RCBTB1: variants seen among roughly 807,000 people sequenced by gnomAD.
The protein encoded by RCBTB1 is RCC1 and BTB domain-containing protein 1.
In RCBTB1, 46 loss-of-function variants were observed where a neutral mutation model predicts 62.4. That is an observed-to-expected ratio of 0.74 (90% CI 0.58 to 0.94). The LOEUF (loss-of-function observed/expected upper bound fraction) is 0.94, where lower values mean the gene tolerates loss of function less well. Ranked by LOEUF, RCBTB1 falls within the 40% of genes least tolerant of loss-of-function variation. The probability of loss-of-function intolerance (pLI) is 0.00; values close to 1 mark genes in which losing one functional copy is unlikely to be tolerated. For synonymous variants in RCBTB1, 222 were observed against 245.8 expected (o/e 0.90, Z 0.91); for missense variants, 565 against 654.9 (o/e 0.86, Z 1.50).
Position 49,534,091 on chromosome 13 carries a change from G to A in RCBTB1, c.*31C>T, listed in dbSNP as rs1314878848. 8 of 1,606,472 alleles carry A rather than the reference G, an allele frequency of 5.0e-6. No individual in the cohort carries two copies. Among genetic ancestry groups the A allele is most frequent in the Middle Eastern group, 1.7e-4 (1 of 6,030 alleles). ...GACACATCCTCAACAGTGCCCCAGA[G>A]CACTCACACAGAACCCAGCAGCCTT... On this transcript the variant is annotated 3_prime_UTR_variant, in exon 13 of 13. Transcript: ENST00000378302.
chr13:49,555,761 C>A, intron 5 of RCBTB1, 88 bp from the exon 6 acceptor site: 1 of 979,778 alleles, frequency 1.0e-6, no homozygotes, highest in South Asian at 1.7e-5. Context: ...TAAAATTATC[C>A]TACTTAATGA....
In RCBTB1 at chr13:49,555,633, G is replaced by T; in HGVS notation, c.485C>A (p.Ser162Ter). The change falls in exon 6 of 13, where the codon TCA becomes TAA. Residue 162 changes from serine to a stop codon, truncating the protein, a stop_gained. Coordinates refer to ENST00000378302, the MANE Select transcript of RCBTB1 (RefSeq NM_018191.4). LOFTEE classifies it high-confidence loss of function. ...AGTTGGTTGATTTGCTGTAGAACCT[G>T]ATCCCACTTGGCCACAGTTGTTATA... ...WGYNNCGQVGSGSTANQPTPR... is the reference protein window; with the variant it reads ...WGYNNCGQVG 6.2e-7 allele frequency: 1 copy of T among 1,611,684 alleles called. No individual in the cohort carries two copies. Among genetic ancestry groups the T allele is most frequent in the Non-Finnish European group, 8.5e-7 (1 of 1,178,824 alleles).
At chr13:49,573,533 C>T (rs2137358635) in intron 2 of RCBTB1, among the ~76,000 whole-genome samples, 1 of 151,114 alleles carries the variant, frequency 6.6e-6, no homozygotes, top group East Asian at 1.9e-4. Context: ...ACTGCAATCT[C>T]CGCCTCCTGG....
intron 12 of RCBTB1, 42 bp downstream of exon 12, chr13:49,540,834 G>A (rs776747999): frequency 6.3e-6 from 10 of 1,593,766 alleles, no homozygotes; most frequent in Middle Eastern, 1.7e-4. Context: ...GAGCACAAAG[G>A]GAGTTAAAGG....
rs932082119 is a variant in RCBTB1, at chr13:49,533,853, T to C, written c.*269A>G. On this transcript the variant is annotated 3_prime_UTR_variant, in exon 13 of 13. Transcript: ENST00000378302. ...AAATGAAAAGAAGACCAAAAACGACTAACTTTCACCCTTTTACATGTTCCA... is the reference window on the plus strand; with the variant it reads ...AAATGAAAAGAAGACCAAAAACGACCAACTTTCACCCTTTTACATGTTCCA... 15 of 278,564 alleles carry C rather than the reference T, an allele frequency of 5.4e-5. No homozygotes were observed. Among genetic ancestry groups the C allele is most frequent in the Non-Finnish European group, 1.0e-4 (15 of 150,696 alleles). The allele number at this position is 278,564 out of a possible 1,614,324, so 17.3% of individuals were successfully genotyped here. A position where few individuals can be genotyped will look rare whatever the true frequency, so the allele number is the denominator to read the frequency against.
Position 49,542,585 on chromosome 13 carries a change from CATA to C in RCBTB1, c.1173-761_1173-759del, listed in dbSNP as rs543343068. Among the ~76,000 whole-genome samples the C allele has an allele frequency of 2.0e-3, 311 of 152,214 alleles. 3 individuals are homozygous for C. The highest frequency in any genetic ancestry group is 7.2e-3 in the African/African-American group (299 of 41,526). On this transcript the variant is annotated intron_variant, in intron 10 of 12. Coordinates refer to ENST00000378302, the MANE Select transcript of RCBTB1 (RefSeq NM_018191.4). ...AATGATTCATTTGTTTTTTGTTTTA[CATA>C]ATAAGCATATTCTTAAAACTGTTTT... is the stretch of plus-strand genomic sequence containing the variant.
chr13:49,560,492 C>T (rs1344453799), intron 4 of RCBTB1, among the ~76,000 whole-genome samples: 6 of 152,084 alleles, frequency 3.9e-5, no homozygotes, highest in African/African-American at 1.2e-4. Flanking sequence ...CCACAGGGGG[C>T]GTGTGGCTAC....
intron 2 of RCBTB1, among the ~76,000 whole-genome samples, chr13:49,576,699 T>C (rs1594353660): frequency 6.6e-6 from 1 of 152,332 alleles, no homozygotes; most frequent in East Asian, 1.9e-4. Flanking sequence ...TTTAAATAGT[T>C]ACTTCTGAAG....
chr13:49,541,836 G>C lies in RCBTB1; in HGVS notation c.1173-9C>G. ...ATCGAAAATGCTCACACCTAAAACA[G>C]CAAAGCAAAAGTCTTATTTGTTCAG... On this transcript the variant is annotated splice_polypyrimidine_tract_variant and intron_variant, in intron 10 of 12. Coordinates refer to ENST00000378302, the MANE Select transcript of RCBTB1 (RefSeq NM_018191.4). 1.9e-6 allele frequency: 3 copies of C among 1,593,264 alleles called. No homozygotes were observed. The highest frequency in any genetic ancestry group is 2.6e-6 in the Non-Finnish European group (3 of 1,173,042).
intron 5 of RCBTB1, among the ~76,000 whole-genome samples, chr13:49,556,429 G>C (rs1032736261): frequency 6.6e-6 from 1 of 151,822 alleles, no homozygotes; most frequent in South Asian, 2.1e-4. Flanking sequence ...TGACCACGTG[G>C]TCCACCCATC....
intron 6 of RCBTB1, among the ~76,000 whole-genome samples, chr13:49,553,501 T>C (rs750277202): frequency 6.6e-6 from 1 of 151,986 alleles, no homozygotes; most frequent in East Asian, 1.9e-4. Flanking sequence ...CCCTTGGATA[T>C]AGAGTGAGAG....
At chr13:49,565,139 C>G (rs563042907) in intron 4 of RCBTB1, among the ~76,000 whole-genome samples, 2 of 152,166 alleles carry the variant, frequency 1.3e-5, no homozygotes, top group Non-Finnish European at 2.9e-5. Flanking sequence ...CTCAGCCTGC[C>G]GAGTGCCTGC....
rs1961147574 is a variant in RCBTB1, at chr13:49,549,562, C to T, written c.941G>A (p.Arg314Gln). ...GGHVYMWGQC[R>Q]GQSVILPHLT... Reference sequence around the variant, plus strand: ...GTGCGGGAGGATCACGGACTGACCCCGGCACTGGCCCCACATGTACACGTG... The same window carrying T: ...GTGCGGGAGGATCACGGACTGACCCTGGCACTGGCCCCACATGTACACGTG... Residue 314 changes from arginine (R) to glutamine (Q), a missense_variant, in exon 9 of 13, where the codon CGG becomes CAG. Physicochemically the swap from Arg to Gln is conservative, Grantham distance 43. Transcript: ENST00000378302. 4 of 1,613,994 alleles carry T rather than the reference C, an allele frequency of 2.5e-6. No homozygotes were observed. Among genetic ancestry groups the T allele is most frequent in the African/African-American group, 1.3e-5 (1 of 74,900 alleles).
At chr13:49,564,158 C>A (rs1962704921) in intron 4 of RCBTB1, among the ~76,000 whole-genome samples, 1 of 152,166 alleles carries the variant, frequency 6.6e-6, no homozygotes, top group Non-Finnish European at 1.5e-5. Flanking sequence ...TAAAAAAGGA[C>A]AAGAACCTAT....
intron 1 of RCBTB1, among the ~76,000 whole-genome samples, chr13:49,581,503 T>A (rs7996012): frequency 6.6e-6 from 1 of 152,090 alleles, no homozygotes; most frequent in African/African-American, 2.4e-5. Flanking sequence ...GATATTAAAG[T>A]GGACAAGTCC....
chr13:49,579,960 T>C (rs1172919374), intron 2 of RCBTB1, among the ~76,000 whole-genome samples: 1 of 152,200 alleles, frequency 6.6e-6, no homozygotes, highest in Non-Finnish European at 1.5e-5. Context: ...TCTGTAAGCA[T>C]TTCTTTAGCC....
intron 2 of RCBTB1, among the ~76,000 whole-genome samples, chr13:49,578,250 T>C (rs1474269517): frequency 2.0e-5 from 3 of 152,218 alleles, no homozygotes; most frequent in Non-Finnish European, 2.9e-5. Context: ...TAATACCTAA[T>C]ACAATGTAAA....
intron 10 of RCBTB1, among the ~76,000 whole-genome samples, chr13:49,542,322 G>A (rs556503346): frequency 6.6e-6 from 1 of 151,704 alleles, no homozygotes; most frequent in Non-Finnish European, 1.5e-5. Context: ...AGTGGTTTTT[G>A]TACATGCCTT....
rs1192481659 is a variant in RCBTB1, at chr13:49,566,609, C to A, written c.277+9G>T. 2 of 1,610,806 alleles carry A rather than the reference C, an allele frequency of 1.2e-6. No individual in the cohort carries two copies. Among genetic ancestry groups the A allele is most frequent in the African/African-American group, 2.7e-5 (2 of 74,648 alleles). On this transcript the variant is annotated intron_variant, in intron 4 of 12. Transcript: ENST00000378302. ...ACAAACTGAAAAGTTAGATGGGTTC[C>A]CTCCTTACCTTCGGTGCTGAGAAGA...
Sources: allele counts gnomAD v4.1 joint callset (sites outside exome capture counted in the v4.1 genomes callset), GRCh38; gene constraint gnomAD v4.1.1; transcripts MANE v1.5; gene names NCBI Gene and HGNC (gene_info 2026-07-23, HGNC 2026-07-21).